Variants in UNC5D observed in about 807,000 individuals in gnomAD.
The protein encoded by UNC5D is unc-5 netrin receptor D.
A neutral mutation model predicts 105.4 loss-of-function variants in UNC5D; 39 were observed. The observed-to-expected ratio is 0.37, with a 90% CI of 0.29 to 0.48. UNC5D has a LOEUF of 0.48. Ranked by LOEUF, UNC5D falls within the 20% of genes least tolerant of loss-of-function variation. UNC5D has a pLI of 0.98. For missense variants in UNC5D, 991 were observed against 1,202.4 expected (o/e 0.82, Z 2.60); for synonymous variants, 452 against 450.4 (o/e 1.00, Z -0.04).
intron 13 of UNC5D, among the ~76,000 whole-genome samples, chr8:35,753,491 G>A (rs193184944): frequency 1.7e-4 from 26 of 152,126 alleles, no homozygotes; most frequent in African/African-American, 4.3e-4. Context: ...GAATGGTCTC[G>A]ATCCGCCCAC....
chr8:35,236,575 C>T (rs1802485619), intron 1 of UNC5D, among the ~76,000 whole-genome samples: 1 of 152,198 alleles, frequency 6.6e-6, no homozygotes, highest in Non-Finnish European at 1.5e-5. Context: ...GGCTTGGAAG[C>T]GCGGGCCCCA....
At chr8:35,501,172 G>A (rs1040135335) in intron 1 of UNC5D, among the ~76,000 whole-genome samples, 6 of 152,210 alleles carry the variant, frequency 3.9e-5, no homozygotes, top group Non-Finnish European at 7.3e-5. Context: ...ACACGGTTCA[G>A]AAAACGTGAT....
intron 1 of UNC5D, among the ~76,000 whole-genome samples, chr8:35,249,097 T>A (rs1254155824): frequency 2.4e-5 from 3 of 124,692 alleles, no homozygotes; most frequent in South Asian, 4.4e-4. Context: ...ATATAATATA[T>A]AAAAAAATAT....
In UNC5D at chr8:35,253,918, G is replaced by C. The variant is rs527421084; in HGVS notation, c.103+18031G>C. 1.1e-4 allele frequency among the ~76,000 whole-genome samples: 16 copies of C among 152,192 alleles called. No homozygotes were observed. The East Asian group carries it at 2.1e-3, about 20-fold the overall frequency. On this transcript the variant is annotated intron_variant, in intron 1 of 16. Coordinates refer to ENST00000404895, the MANE Select transcript of UNC5D (RefSeq NM_080872.4). ...TGCACATATACATGGGAATTTTTTAGTCTGGCATTAAATGTTCTTCAAAAG... is the reference window on the plus strand; with the variant it reads ...TGCACATATACATGGGAATTTTTTACTCTGGCATTAAATGTTCTTCAAAAG...
At chr8:35,400,699 A>G (rs1179338157) in intron 1 of UNC5D, among the ~76,000 whole-genome samples, 3 of 152,126 alleles carry the variant, frequency 2.0e-5, no homozygotes, top group Admixed American at 6.6e-5. Flanking sequence ...TCTTGACAGA[A>G]TTTCATAGGC....
chr8:35,688,127 G>A (rs923098774), intron 7 of UNC5D, among the ~76,000 whole-genome samples: 6 of 148,982 alleles, frequency 4.0e-5, no homozygotes, highest in Admixed American at 6.7e-5. Context: ...GCGAGACTCC[G>A]CCTCAAAAAC....
chr8:35,443,309 A>T (rs976146981), intron 1 of UNC5D, among the ~76,000 whole-genome samples: 1 of 151,630 alleles, frequency 6.6e-6, no homozygotes, highest in Non-Finnish European at 1.5e-5. Flanking sequence ...TCTCTGTGGA[A>T]ATGAGGAAGG....
intron 1 of UNC5D, among the ~76,000 whole-genome samples, chr8:35,436,975 A>G (rs1807059012): frequency 6.6e-6 from 1 of 151,940 alleles, no homozygotes; most frequent in Non-Finnish European, 1.5e-5. Context: ...TATTACTGTC[A>G]TTTACTACAC....
chr8:35,629,853 A>G (rs1056753617), intron 4 of UNC5D, among the ~76,000 whole-genome samples: 2 of 152,146 alleles, frequency 1.3e-5, no homozygotes, highest in East Asian at 3.9e-4. Context: ...CCCAGGTCGT[A>G]AAAGTATTGA....
At chr8:35,252,603 C>T (rs550706692) in intron 1 of UNC5D, among the ~76,000 whole-genome samples, 7 of 152,186 alleles carry the variant, frequency 4.6e-5, no homozygotes, top group Admixed American at 3.3e-4. Flanking sequence ...TGATTCACTT[C>T]CCTGAAGTAC....
At chr8:35,665,892 T>C (rs949130295) in intron 4 of UNC5D, among the ~76,000 whole-genome samples, 1 of 152,128 alleles carries the variant, frequency 6.6e-6, no homozygotes, top group Non-Finnish European at 1.5e-5. Context: ...TACATTAATA[T>C]GTTCATATAT....
chr8:35,271,414 TAC>T lies in UNC5D; in HGVS notation c.103+35535_103+35536del, dbSNP rs201485182. 2.4e-3 allele frequency among the ~76,000 whole-genome samples: 284 copies of T among 116,550 alleles called. 1 individual carries two copies. Among genetic ancestry groups the T allele is most frequent in the African/African-American group, 6.4e-3 (234 of 36,384 alleles). The allele number at this position is 116,550 out of a possible 152,430, so 76.5% of individuals were successfully genotyped here. A position where few individuals can be genotyped will look rare whatever the true frequency, so the allele number is the denominator to read the frequency against. On this transcript the variant is annotated intron_variant, in intron 1 of 16. Transcript: ENST00000404895. ...ACATGCACGTGTGTATGTATATGTA[TAC>T]ACACACATATGTGTGTGTATGTATA... is the stretch of plus-strand genomic sequence containing the variant.
At chr8:35,310,758 T>A (rs1237879802) in intron 1 of UNC5D, among the ~76,000 whole-genome samples, 1 of 152,196 alleles carries the variant, frequency 6.6e-6, no homozygotes, top group Non-Finnish European at 1.5e-5. Context: ...CTTTTTAGGA[T>A]ACTAGTGCCG....
chr8:35,525,775 C>G (rs907494400), intron 1 of UNC5D: 7 of 1,525,814 alleles, frequency 4.6e-6, no homozygotes, highest in Middle Eastern at 2.4e-4. Context: ...TTGGGAGTGC[C>G]GTAATGTGCT....
chr8:35,755,478 ATG>A (rs140830705), intron 13 of UNC5D, among the ~76,000 whole-genome samples: 3,871 of 150,108 alleles, frequency 0.026, 157 homozygotes, highest in African/African-American at 0.088. Context: ...ATTTGTGTGT[ATG>A]TGTGTGTGTG....
Position 35,250,702 on chromosome 8 carries a change from G to A in UNC5D, c.103+14815G>A, listed in dbSNP as rs536990154. Among the ~76,000 whole-genome samples, 4 of 152,142 alleles carry A rather than the reference G, an allele frequency of 2.6e-5. No individual in the cohort carries two copies. In the East Asian group the frequency reaches 7.8e-4, roughly 30 times the overall value. On this transcript the variant is annotated intron_variant, in intron 1 of 16. Transcript: ENST00000404895. ...AGTAGAGACGGGGTTTCACCATGTT[G>A]ACCAGACTGGTCTTGAACTCCTGAC... is the stretch of plus-strand genomic sequence containing the variant.
chr8:35,590,428 A>C (rs1819091273), intron 3 of UNC5D, among the ~76,000 whole-genome samples: 1 of 152,154 alleles, frequency 6.6e-6, no homozygotes, highest in South Asian at 2.1e-4. Flanking sequence ...TAAAGACATT[A>C]ATCTAGTTTT....
At chr8:35,657,092 A>G (rs1225960695) in intron 4 of UNC5D, among the ~76,000 whole-genome samples, 133 of 98,266 alleles carry the variant, frequency 1.4e-3, no homozygotes, top group African/African-American at 4.7e-3. Context: ...ATATATATAT[A>G]TATATATATA....
At chr8:35,666,319 A>G (rs1432724962) in intron 4 of UNC5D, among the ~76,000 whole-genome samples, 1 of 152,160 alleles carries the variant, frequency 6.6e-6, no homozygotes, top group Non-Finnish European at 1.5e-5. Flanking sequence ...ACTAATCCGT[A>G]CATTGCATTG....
Sources: allele counts gnomAD v4.1 joint callset (sites outside exome capture counted in the v4.1 genomes callset), GRCh38; gene constraint gnomAD v4.1.1; transcripts MANE v1.5; gene names NCBI Gene and HGNC (gene_info 2026-07-23, HGNC 2026-07-21).